SPAG16: variants seen among roughly 807,000 people sequenced by gnomAD.
The protein encoded by SPAG16 is sperm-associated antigen 16 protein.
A neutral mutation model predicts 80.4 loss-of-function variants in SPAG16; 86 were observed. That is an observed-to-expected ratio of 1.07 (90% CI 0.90 to 1.28). The LOEUF is 1.28. Among genes scored for constraint, SPAG16 ranks in the 50% most tolerant of loss-of-function variants. The probability of loss-of-function intolerance (pLI) is 0.00; values close to 1 mark genes in which losing one functional copy is unlikely to be tolerated. For synonymous variants in SPAG16, 294 were observed against 265.9 expected (o/e 1.11, Z -1.03); for missense variants, 870 against 765.3 (o/e 1.14, Z -1.61).
chr2:214,089,898 C>G (rs918542927), intron 13 of SPAG16, among the ~76,000 whole-genome samples: 1 of 152,064 alleles, frequency 6.6e-6, no homozygotes, highest in African/African-American at 2.4e-5. Flanking sequence ...ATCAACTTCT[C>G]TTTAAGACCT....
intron 10 of SPAG16, among the ~76,000 whole-genome samples, chr2:213,703,944 C>T (rs1306302265): frequency 6.6e-6 from 1 of 152,186 alleles, no homozygotes; most frequent in East Asian, 1.9e-4. Flanking sequence ...CTAAATTCAG[C>T]TCAGCGTCTG....
intron 11 of SPAG16, among the ~76,000 whole-genome samples, chr2:213,922,759 G>A (rs1444474647): frequency 1.3e-5 from 2 of 150,958 alleles, no homozygotes; most frequent in African/African-American, 2.4e-5. Flanking sequence ...AATTGAGTTT[G>A]GTTGACTGGC....
intron 10 of SPAG16, among the ~76,000 whole-genome samples, chr2:213,581,523 A>G (rs891835672): frequency 2.6e-5 from 4 of 151,932 alleles, no homozygotes; most frequent in Admixed American, 6.6e-5. Context: ...CCCTCTATTT[A>G]AAGGCCCTAA....
chr2:213,780,674 T>G (rs1434930987), intron 10 of SPAG16, among the ~76,000 whole-genome samples: 1 of 151,760 alleles, frequency 6.6e-6, no homozygotes, highest in Non-Finnish European at 1.5e-5. Context: ...CATTTAGCTC[T>G]TTGTGTATTT....
intron 15 of SPAG16, among the ~76,000 whole-genome samples, chr2:214,208,698 T>C (rs1344608438): frequency 6.6e-6 from 1 of 152,064 alleles, no homozygotes; most frequent in Non-Finnish European, 1.5e-5. Flanking sequence ...ACCTTGGTGA[T>C]GACATTGAGC....
chr2:214,286,737 A>G (rs1479721775), intron 15 of SPAG16, among the ~76,000 whole-genome samples: 1 of 152,184 alleles, frequency 6.6e-6, no homozygotes, highest in East Asian at 1.9e-4. Flanking sequence ...ACAGAGTGAG[A>G]CTGTGTCTCA....
intron 12 of SPAG16, among the ~76,000 whole-genome samples, chr2:214,006,944 T>C (rs2047051058): frequency 6.6e-6 from 1 of 151,908 alleles, no homozygotes; most frequent in African/African-American, 2.4e-5. Context: ...AATTGCTCCT[T>C]CCCCCCCACC....
At chr2:214,046,756 T>C (rs1233556118) in intron 13 of SPAG16, among the ~76,000 whole-genome samples, 1 of 152,150 alleles carries the variant, frequency 6.6e-6, no homozygotes, top group Non-Finnish European at 1.5e-5. Context: ...ATTATCCTGG[T>C]TCACAGATGA....
chr2:213,881,919 A>G (rs563092761), intron 11 of SPAG16, among the ~76,000 whole-genome samples: 1 of 152,286 alleles, frequency 6.6e-6, no homozygotes, highest in East Asian at 1.9e-4. Flanking sequence ...CCAGTTCTCA[A>G]GGGCAATGGA....
chr2:213,502,961 A>G (rs2074806431), intron 10 of SPAG16, among the ~76,000 whole-genome samples: 1 of 152,216 alleles, frequency 6.6e-6, no homozygotes, highest in Admixed American at 6.5e-5. Context: ...GTCAAGTCAT[A>G]TGTACAACAG....
chr2:213,989,851 T>C (rs2046194037), intron 12 of SPAG16, among the ~76,000 whole-genome samples: 1 of 152,058 alleles, frequency 6.6e-6, no homozygotes, highest in Non-Finnish European at 1.5e-5. Context: ...GAGCCCAGAG[T>C]CCAAGCCTAG....
At chr2:214,015,665 A>G (rs116290636) in intron 13 of SPAG16, among the ~76,000 whole-genome samples, 11 of 151,988 alleles carry the variant, frequency 7.2e-5, no homozygotes, top group Non-Finnish European at 1.5e-4. Flanking sequence ...AGCAAGGCTA[A>G]TGGTCATTTT....
Position 213,489,967 on chromosome 2 carries a change from C to T in SPAG16, c.947C>T (p.Ser316Leu). ...KTKMKGNTKD[S>L]EFPIDMQPNP... is the part of the protein sequence containing the mutation. The stretch of plus-strand genomic sequence containing the variant: ...TTGTTTAATTTTTTTCTCTAGGATT[C>T]AGAATTTCCCATAGATATGCAACCA... The change falls in exon 10 of 16, where the codon TCA (serine) becomes TTA (leucine). Residue 316 changes from serine (S) to leucine (L), a missense_variant. By Grantham distance (145) the Ser-to-Leu change is moderately radical. Transcript: ENST00000331683. 1 of 1,598,972 alleles carries T rather than the reference C, an allele frequency of 6.3e-7. No homozygotes were observed. Among genetic ancestry groups the T allele is most frequent in the South Asian group, 1.1e-5 (1 of 87,652 alleles).
chr2:213,468,577 G>A (rs1245226193), intron 9 of SPAG16, among the ~76,000 whole-genome samples: 2 of 140,464 alleles, frequency 1.4e-5, no homozygotes, highest in Non-Finnish European at 3.1e-5. Flanking sequence ...ATATATCTAT[G>A]TATTTATATA....
intron 15 of SPAG16, among the ~76,000 whole-genome samples, chr2:214,401,460 A>G (rs1293952413): frequency 6.6e-6 from 1 of 151,840 alleles, no homozygotes; most frequent in African/African-American, 2.4e-5. Flanking sequence ...ATTCTTGTAT[A>G]TTTGTGATAA....
chr2:214,337,185 G>A (rs775679396), intron 15 of SPAG16, among the ~76,000 whole-genome samples: 2 of 151,740 alleles, frequency 1.3e-5, no homozygotes, highest in African/African-American at 4.8e-5. Flanking sequence ...TTTCTCTTTC[G>A]TAGTAAAGTT....
At chr2:213,846,701 T>A (rs1169805510) in intron 10 of SPAG16, among the ~76,000 whole-genome samples, 1 of 152,184 alleles carries the variant, frequency 6.6e-6, no homozygotes, top group Admixed American at 6.5e-5. Context: ...ATATGTCTTT[T>A]AATTTAAATT....
intron 15 of SPAG16, among the ~76,000 whole-genome samples, chr2:214,393,274 G>T (rs907072613): frequency 6.6e-6 from 1 of 152,152 alleles, no homozygotes; most frequent in African/African-American, 2.4e-5. Context: ...AATAGTTTAT[G>T]CTCTGCTCTT....
At chr2:213,859,178 CAAAAAAAAAAAAAAAAAAAA>C (rs1165853142) in intron 10 of SPAG16, among the ~76,000 whole-genome samples, 3 of 9,368 alleles carry the variant, frequency 3.2e-4, no homozygotes, top group African/African-American at 1.5e-3. Context: ...CACTCCGTCT[CAAAAAAAAAAAAAAAAAAAA>C]AAAAAAAAAA....
Sources: gnomAD v4.1 joint callset for allele counts (sites outside exome capture counted in the v4.1 genomes callset) on GRCh38, gnomAD v4.1.1 for gene constraint, MANE v1.5 for transcripts, NCBI Gene and HGNC (gene_info 2026-07-23, HGNC 2026-07-21) for gene names.